Variants in TNFSF4 observed in about 807,000 individuals in gnomAD.
TNFSF4 encodes the protein TNF superfamily member 4.
Under a neutral mutation model 7.3 loss-of-function variants are expected in TNFSF4, and 4 were observed. The ratio of observed to expected loss-of-function variants is 0.55; its 90% CI spans 0.27 to 1.25. The LOEUF (loss-of-function observed/expected upper bound fraction) is 1.25, where lower values mean the gene tolerates loss of function less well. Ranked by LOEUF, TNFSF4 falls within the 50% of genes most tolerant of loss-of-function variation. The pLI, the probability that TNFSF4 is intolerant of heterozygous loss-of-function variation, is 0.12. For missense variants in TNFSF4, 181 were observed against 208.8 expected, an observed-to-expected ratio of 0.87 and a Z score of 0.82; for synonymous variants, 76 against 83.7, an observed-to-expected ratio of 0.91 and a Z score of 0.50.
the TNFSF4 span, among the ~76,000 whole-genome samples, chr1:173,387,150 T>C: frequency 1.3e-5 from 2 of 152,186 alleles, no homozygotes; most frequent in Non-Finnish European, 2.9e-5. Context: ...AGGTATTTTG[T>C]ATGTGAGAAG....
the TNFSF4 span, among the ~76,000 whole-genome samples, chr1:173,233,317 T>C: frequency 6.6e-6 from 1 of 152,058 alleles, no homozygotes; most frequent in Non-Finnish European, 1.5e-5. Context: ...CTCCAAGAAA[T>C]ATGGGACTAT....
At chr1:173,177,882 C>T in the TNFSF4 span, among the ~76,000 whole-genome samples, 12 of 152,124 alleles carry the variant, frequency 7.9e-5, no homozygotes, top group African/African-American at 2.9e-4. Context: ...ATATATTCTT[C>T]CTAGTGACAT....
the TNFSF4 span, among the ~76,000 whole-genome samples, chr1:173,392,528 T>C: frequency 6.6e-6 from 1 of 152,206 alleles, no homozygotes; most frequent in Non-Finnish European, 1.5e-5. Flanking sequence ...ACTAACAGCT[T>C]AAGTCCCAAG....
At chr1:173,352,844 C>T in the TNFSF4 span, among the ~76,000 whole-genome samples, 9 of 152,222 alleles carry the variant, frequency 5.9e-5, no homozygotes, top group East Asian at 1.9e-4. Context: ...CTGCATAAGG[C>T]GGACACCCCT....
At chr1:173,259,854 C>A in the TNFSF4 span, among the ~76,000 whole-genome samples, 1 of 151,874 alleles carries the variant, frequency 6.6e-6, no homozygotes, top group African/African-American at 2.4e-5. Flanking sequence ...GTAAAAAGAC[C>A]AAACCTACAA....
chr1:173,200,379 A>G (rs545924162), intron 1 of TNFSF4, among the ~76,000 whole-genome samples: 19 of 152,350 alleles, frequency 1.2e-4, no homozygotes, highest in Non-Finnish European at 2.5e-4. Flanking sequence ...TGCAAAGATG[A>G]GAGACTGTTA....
the TNFSF4 span, among the ~76,000 whole-genome samples, chr1:173,245,474 TAATAAC>T: frequency 6.6e-6 from 1 of 152,328 alleles, no homozygotes; most frequent in African/African-American, 2.4e-5. Context: ...AACTGACACA[TAATAAC>T]TATACATATT....
At chr1:173,230,751 C>T in the TNFSF4 span, among the ~76,000 whole-genome samples, 1 of 152,102 alleles carries the variant, frequency 6.6e-6, no homozygotes, top group Non-Finnish European at 1.5e-5. Context: ...GGGGACATCA[C>T]CACCAATCCC....
the TNFSF4 span, among the ~76,000 whole-genome samples, chr1:173,349,610 G>C: frequency 6.6e-6 from 1 of 152,088 alleles, no homozygotes; most frequent in South Asian, 2.1e-4. Context: ...CAATGCCTTG[G>C]TTAAACTCAA....
At chr1:173,427,517 AC>A in the TNFSF4 span, among the ~76,000 whole-genome samples, 1 of 152,176 alleles carries the variant, frequency 6.6e-6, no homozygotes, top group African/African-American at 2.4e-5. Flanking sequence ...TTCAGAAACT[AC>A]ACTGACAGTG....
At chr1:173,212,871 TAAAA>T in the TNFSF4 span, among the ~76,000 whole-genome samples, 1 of 151,766 alleles carries the variant, frequency 6.6e-6, no homozygotes, top group Non-Finnish European at 1.5e-5. Context: ...AAAAATAAAA[TAAAA>T]ATAAAATTTC....
At chr1:173,232,016 T>TGAAGAA in the TNFSF4 span, among the ~76,000 whole-genome samples, 1 of 152,318 alleles carries the variant, frequency 6.6e-6, no homozygotes, top group South Asian at 2.1e-4. Context: ...AAGTCATTGG[T>TGAAGAA]AGCTTGATGG....
At chr1:173,363,020 CAAT>C in the TNFSF4 span, 1 of 387,698 alleles carries the variant, frequency 2.6e-6, no homozygotes, top group Non-Finnish European at 5.1e-6. Flanking sequence ...GCCTTATCTT[CAAT>C]AATAAGTCTA....
At chr1:173,307,719 G>T in the TNFSF4 span, among the ~76,000 whole-genome samples, 1 of 151,698 alleles carries the variant, frequency 6.6e-6, no homozygotes, top group African/African-American at 2.4e-5. Context: ...CCCTCAAATG[G>T]TTCAGAAAAT....
At chr1:173,328,685 T>A in the TNFSF4 span, among the ~76,000 whole-genome samples, 6 of 151,902 alleles carry the variant, frequency 3.9e-5, no homozygotes, top group East Asian at 3.9e-4. Context: ...AGTAAAATTT[T>A]AAAAAAATAA....
chr1:173,193,281 T>C (rs2101988185), intron 1 of TNFSF4, among the ~76,000 whole-genome samples: 1 of 152,284 alleles, frequency 6.6e-6, no homozygotes, highest in Non-Finnish European at 1.5e-5. Flanking sequence ...GGGGCTTCCA[T>C]CTAAGCACAG....
At chr1:173,334,398 T>C in the TNFSF4 span, among the ~76,000 whole-genome samples, 1 of 152,202 alleles carries the variant, frequency 6.6e-6, no homozygotes, top group Non-Finnish European at 1.5e-5. Context: ...CTTGATCCTG[T>C]CAAGGTAAAA....
At chr1:173,226,070 T>A in the TNFSF4 span, among the ~76,000 whole-genome samples, 1 of 152,222 alleles carries the variant, frequency 6.6e-6, no homozygotes, top group Non-Finnish European at 1.5e-5. Context: ...AAAGAATGAA[T>A]CAGGTATTTA....
chr1:173,182,845 G>T (rs1649079578), downstream of TNFSF4, among the ~76,000 whole-genome samples: 1 of 152,212 alleles, frequency 6.6e-6, no homozygotes, highest in Non-Finnish European at 1.5e-5. Context: ...GTGAGTTTGT[G>T]TAAGTGCATT....
Sources: allele counts gnomAD v4.1 joint callset (sites outside exome capture counted in the v4.1 genomes callset), GRCh38; gene constraint gnomAD v4.1.1; transcripts MANE v1.5; gene names NCBI Gene and HGNC (gene_info 2026-07-23, HGNC 2026-07-21).